The following SEMA3A variants were observed in gnomAD, a reference collection of about 807,000 sequenced individuals.
SEMA3A encodes the protein semaphorin-3A.
SEMA3A carries 29 observed loss-of-function variants against 97.9 expected under a neutral mutation model. The observed-to-expected ratio is 0.30, with a 90% CI of 0.22 to 0.40. SEMA3A has a LOEUF of 0.40. Ranked by LOEUF, SEMA3A falls within the 10% of genes least tolerant of loss-of-function variation. The pLI, the probability that SEMA3A is intolerant of heterozygous loss-of-function variation, is 1.00. For missense variants in SEMA3A, 763 were observed against 951.3 expected (o/e 0.80, Z 2.60); for synonymous variants, 321 against 323.7 (o/e 0.99, Z 0.09).
At chr7:84,126,362 C>T (rs912305182) in intron 3 of SEMA3A, among the ~76,000 whole-genome samples, 15 of 152,010 alleles carry the variant, frequency 9.9e-5, no homozygotes, top group East Asian at 1.9e-4. Flanking sequence ...TGTGCCACCA[C>T]GCCTGGCTAA....
At chr7:84,240,215 C>A (rs1799325767) in intron 3 of SEMA3A, among the ~76,000 whole-genome samples, 2 of 152,054 alleles carry the variant, frequency 1.3e-5, no homozygotes, top group Non-Finnish European at 2.9e-5. Context: ...AAATATTTAA[C>A]TTGTTATGCA....
At chr7:84,371,835 C>T (rs1048004622) in exon 2 of SEMA3A, 2 of 151,954 alleles carry the variant, frequency 1.3e-5, no homozygotes, top group East Asian at 3.9e-4. Context: ...TGCTAAAGGG[C>T]CTCTTCTTGA....
chr7:83,980,792 TAAC>T (rs1353324757), intron 14 of SEMA3A, among the ~76,000 whole-genome samples: 1 of 151,638 alleles, frequency 6.6e-6, no homozygotes, highest in African/African-American at 2.4e-5. Flanking sequence ...AATAATATAA[TAAC>T]ACTTAAATTT....
intron 3 of SEMA3A, among the ~76,000 whole-genome samples, chr7:84,120,885 G>T (rs1795590311): frequency 6.6e-6 from 1 of 152,148 alleles, no homozygotes; most frequent in African/African-American, 2.4e-5. Flanking sequence ...CACAAAAATA[G>T]TGCTAGCTAG....
intron 1 of SEMA3A, among the ~76,000 whole-genome samples, chr7:84,173,559 CAAAAAAAA>C (rs34919422): frequency 7.4e-5 from 6 of 80,684 alleles, no homozygotes; most frequent in African/African-American, 2.8e-4. Context: ...AACTCTGTCT[CAAAAAAAA>C]AAAAAAAAAA....
At chr7:84,089,010 TAA>T (rs372442579) in intron 4 of SEMA3A, among the ~76,000 whole-genome samples, 4 of 142,314 alleles carry the variant, frequency 2.8e-5, no homozygotes, top group Admixed American at 7.0e-5. Context: ...ACAGTAAGAG[TAA>T]AAAAAAAAAG....
At chr7:84,307,933 T>C (rs1460810044) in intron 2 of SEMA3A, among the ~76,000 whole-genome samples, 1 of 151,966 alleles carries the variant, frequency 6.6e-6, no homozygotes, top group Non-Finnish European at 1.5e-5. Flanking sequence ...GAATAAATAA[T>C]GTAAATAACT....
intron 1 of SEMA3A, among the ~76,000 whole-genome samples, chr7:84,185,757 C>CATTA (rs138136787): frequency 0.063 from 9,296 of 148,042 alleles, 338 homozygotes; most frequent in African/African-American, 0.091. Flanking sequence ...AAGAAACCAT[C>CATTA]ATTATAAATC....
At chr7:84,312,307 T>C (rs1345328883) in intron 2 of SEMA3A, among the ~76,000 whole-genome samples, 1 of 151,854 alleles carries the variant, frequency 6.6e-6, no homozygotes, top group Non-Finnish European at 1.5e-5. Context: ...TCTTAGTGCC[T>C]TTTTCAGCAG....
intron 3 of SEMA3A, among the ~76,000 whole-genome samples, chr7:84,128,407 A>G (rs1795865436): frequency 1.3e-5 from 2 of 152,190 alleles, no homozygotes; most frequent in South Asian, 2.1e-4. Context: ...TATCATTTCA[A>G]GAAGAATTCA....
chr7:84,083,324 A>G (rs935083280), intron 4 of SEMA3A, among the ~76,000 whole-genome samples: 1 of 151,916 alleles, frequency 6.6e-6, no homozygotes, highest in African/African-American at 2.4e-5. Flanking sequence ...TTATGGATAC[A>G]TAATAGTTGT....
At chr7:84,439,743 G>A (rs1322697111) in intron 1 of SEMA3A, among the ~76,000 whole-genome samples, 1 of 152,082 alleles carries the variant, frequency 6.6e-6, no homozygotes, top group African/African-American at 2.4e-5. Context: ...TGAAATGATA[G>A]TACATATATA....
chr7:84,006,585 G>A (rs776219741), intron 10 of SEMA3A, among the ~76,000 whole-genome samples: 8 of 151,988 alleles, frequency 5.3e-5, no homozygotes, highest in Admixed American at 1.3e-4. Context: ...AGATTTCACC[G>A]TCTCCTTTCA....
chr7:84,215,776 G>A (rs534541553), intron 3 of SEMA3A, among the ~76,000 whole-genome samples: 10 of 152,234 alleles, frequency 6.6e-5, no homozygotes, highest in Admixed American at 3.3e-4. Flanking sequence ...AGAATACCTA[G>A]TATAACTGGG....
chr7:84,377,739 A>T (rs1432703885), intron 1 of SEMA3A, among the ~76,000 whole-genome samples: 1 of 152,150 alleles, frequency 6.6e-6, no homozygotes, highest in African/African-American at 2.4e-5. Context: ...TTATTCACTG[A>T]TCTCTGCTAC....
chr7:84,234,650 A>G (rs1181374048), intron 3 of SEMA3A, among the ~76,000 whole-genome samples: 1 of 151,914 alleles, frequency 6.6e-6, no homozygotes, highest in Non-Finnish European at 1.5e-5. Flanking sequence ...TATTTTACCC[A>G]TATGTTTCTC....
chr7:84,038,535 TCA>T lies in SEMA3A; in HGVS notation c.667+7787_667+7788del, dbSNP rs553608716. On this transcript the variant is annotated intron_variant, in intron 6 of 16. Transcript: ENST00000265362. ...TTCTCATTTGAAAAGGAGAAATTGATCACAGAGAGCTTACACTAGATCACAAA... is the reference window on the plus strand; with the variant it reads ...TTCTCATTTGAAAAGGAGAAATTGATCAGAGAGCTTACACTAGATCACAAA... Among the ~76,000 whole-genome samples the T allele has an allele frequency of 3.5e-3, 536 of 152,148 alleles. 1 individual carries two copies. The highest frequency in any genetic ancestry group is 6.8e-3 in the Middle Eastern group (2 of 294).
At chr7:84,019,129 G>A (rs1233273969) in intron 6 of SEMA3A, among the ~76,000 whole-genome samples, 3 of 152,098 alleles carry the variant, frequency 2.0e-5, no homozygotes, top group African/African-American at 7.2e-5. Context: ...TATGTCGAAT[G>A]TAAGAAATAG....
intron 2 of SEMA3A, among the ~76,000 whole-genome samples, chr7:84,344,533 G>C (rs529864357): frequency 5.3e-5 from 8 of 152,254 alleles, no homozygotes; most frequent in African/African-American, 1.7e-4. Flanking sequence ...AATGCAGCTA[G>C]ACTTTGCTGG....
Sources: allele counts gnomAD v4.1 joint callset (sites outside exome capture counted in the v4.1 genomes callset), GRCh38; gene constraint gnomAD v4.1.1; transcripts MANE v1.5; gene names NCBI Gene and HGNC (gene_info 2026-07-23, HGNC 2026-07-21).